RAD51B: variants seen among roughly 807,000 people sequenced by gnomAD.
RAD51B encodes the protein RAD51 paralog B.
RAD51B carries 38 observed loss-of-function variants against 42.2 expected under a neutral mutation model. That is an observed-to-expected ratio of 0.90 (90% CI 0.70 to 1.18). The LOEUF is 1.18. Among genes scored for constraint, RAD51B ranks in the 50% most tolerant of loss-of-function variants. The probability of loss-of-function intolerance (pLI) is 0.00; values close to 1 mark genes in which losing one functional copy is unlikely to be tolerated. For synonymous variants in RAD51B, 154 were observed against 145.2 expected, an observed-to-expected ratio of 1.06 and a Z score of -0.43; for missense variants, 373 against 400.7, an observed-to-expected ratio of 0.93 and a Z score of 0.59.
At chr14:68,471,693 CAA>C (rs35932002) in intron 10 of RAD51B, among the ~76,000 whole-genome samples, 19 of 130,540 alleles carry the variant, frequency 1.5e-4, no homozygotes, top group Non-Finnish European at 1.6e-4. Flanking sequence ...TCTCCTTTTG[CAA>C]AAAAAAAAAA....
At chr14:68,344,939 T>A in intron 8 of RAD51B, among the ~76,000 whole-genome samples, 1 of 99,374 alleles carries the variant, frequency 1.0e-5, no homozygotes, top group East Asian at 3.4e-4. Context: ...AGTGTAAGAC[T>A]CAATCTCAAA....
At chr14:68,218,133 G>T (rs897879298) in intron 7 of RAD51B, among the ~76,000 whole-genome samples, 1 of 152,284 alleles carries the variant, frequency 6.6e-6, no homozygotes, top group East Asian at 1.9e-4. Context: ...AAATTAAGCA[G>T]CATAAGGAAA....
chr14:68,557,318 C>G (rs1044290298), intron 10 of RAD51B, among the ~76,000 whole-genome samples: 1 of 152,184 alleles, frequency 6.6e-6, no homozygotes, highest in East Asian at 1.9e-4. Flanking sequence ...GCTCAGAGCA[C>G]TTACATTAAC....
At chr14:68,569,077 T>G (rs1889564448) in intron 10 of RAD51B, among the ~76,000 whole-genome samples, 1 of 152,210 alleles carries the variant, frequency 6.6e-6, no homozygotes, top group East Asian at 1.9e-4. Context: ...TTGTGGTTCT[T>G]GGCACCTCTC....
At chr14:67,880,268 A>C (rs1335762432) in intron 5 of RAD51B, among the ~76,000 whole-genome samples, 2 of 152,188 alleles carry the variant, frequency 1.3e-5, no homozygotes, top group Non-Finnish European at 2.9e-5. Context: ...TTTTTCTTGA[A>C]GTGTCGGGCT....
intron 5 of RAD51B, among the ~76,000 whole-genome samples, chr14:67,872,422 C>A (rs1469393380): frequency 7.1e-4 from 94 of 132,632 alleles, no homozygotes; most frequent in African/African-American, 2.6e-3. Context: ...CAAACCACTG[C>A]TCAAGGAAAT....
At chr14:68,430,745 T>C (rs1253245145) in intron 9 of RAD51B, among the ~76,000 whole-genome samples, 1 of 152,046 alleles carries the variant, frequency 6.6e-6, no homozygotes, top group Non-Finnish European at 1.5e-5. Flanking sequence ...CCTTTATTTC[T>C]TTCTCCTGCC....
At chr14:67,985,284 T>C (rs974293303) in intron 7 of RAD51B, among the ~76,000 whole-genome samples, 3 of 152,152 alleles carry the variant, frequency 2.0e-5, no homozygotes, top group African/African-American at 7.2e-5. Flanking sequence ...ATTGCAGAGG[T>C]TGCAACCCTT....
chr14:68,465,940 CAAAAAA>C (rs59348577), intron 9 of RAD51B, among the ~76,000 whole-genome samples: 57 of 129,350 alleles, frequency 4.4e-4, no homozygotes, highest in African/African-American at 9.3e-4. Flanking sequence ...GACTCTGTCT[CAAAAAA>C]AAAAAAAATA....
At chr14:68,292,128 T>A in intron 8 of RAD51B, 148 bp downstream of exon 8, 1 of 670,758 alleles carries the variant, frequency 1.5e-6, no homozygotes, top group Non-Finnish European at 2.6e-6. Context: ...TTTGGCCACC[T>A]TTCCTGGCAT....
intron 8 of RAD51B, chr14:68,387,249 G>C (rs1408205974): frequency 6.6e-6 from 1 of 152,182 alleles, no homozygotes; most frequent in Non-Finnish European, 1.5e-5. Flanking sequence ...GTCTCAGATG[G>C]ATAGTATCCA....
intron 7 of RAD51B, among the ~76,000 whole-genome samples, chr14:67,946,613 G>A (rs2045404268): frequency 6.6e-6 from 1 of 152,114 alleles, no homozygotes; most frequent in South Asian, 2.1e-4. Flanking sequence ...TGATCCACCC[G>A]CCTCGGCCTC....
chr14:68,269,578 C>T (rs1256214007), intron 7 of RAD51B, among the ~76,000 whole-genome samples: 1 of 152,192 alleles, frequency 6.6e-6, no homozygotes, highest in East Asian at 1.9e-4. Context: ...TATCTACACC[C>T]GATATTTTAT....
At chr14:68,575,285 CA>C (rs540742669) in intron 10 of RAD51B, among the ~76,000 whole-genome samples, 5 of 152,178 alleles carry the variant, frequency 3.3e-5, no homozygotes, top group Non-Finnish European at 5.9e-5. Flanking sequence ...GTGACTTTCC[CA>C]AGTTCTCATA....
intron 8 of RAD51B, among the ~76,000 whole-genome samples, chr14:68,351,418 T>C (rs556312695): frequency 2.1e-4 from 32 of 152,300 alleles, no homozygotes; most frequent in African/African-American, 7.7e-4. Context: ...AATTATTTGA[T>C]GAATGTTTAT....
intron 7 of RAD51B, among the ~76,000 whole-genome samples, chr14:68,273,998 A>G (rs1442817967): frequency 2.6e-5 from 4 of 152,070 alleles, no homozygotes; most frequent in Non-Finnish European, 4.4e-5. Flanking sequence ...TGTACTGAAA[A>G]CCAGTTTCTT....
At chr14:67,869,434 T>C (rs1307245247) in intron 5 of RAD51B, among the ~76,000 whole-genome samples, 2 of 152,078 alleles carry the variant, frequency 1.3e-5, no homozygotes, top group Non-Finnish European at 2.9e-5. Context: ...TATGGGACTA[T>C]GTGAAAAGAC....
At chr14:68,022,507 A>G (rs2075883304) in intron 7 of RAD51B, among the ~76,000 whole-genome samples, 1 of 152,120 alleles carries the variant, frequency 6.6e-6, no homozygotes, top group Non-Finnish European at 1.5e-5. Flanking sequence ...AGAAATAGCC[A>G]TCTGTTGTTT....
At chr14:68,611,284 A>G (rs1008083387) in exon 11 of RAD51B, 3 of 701,112 alleles carry the variant, frequency 4.3e-6, no homozygotes, top group African/African-American at 3.5e-5. Context: ...CCAGATCTAC[A>G]TTTAACATCC....
Sources: gnomAD v4.1 joint callset for allele counts (sites outside exome capture counted in the v4.1 genomes callset) on GRCh38, gnomAD v4.1.1 for gene constraint, MANE v1.5 for transcripts, NCBI Gene and HGNC (gene_info 2026-07-23, HGNC 2026-07-21) for gene names.